The following NRXN1 variants were observed in gnomAD, a reference collection of about 807,000 sequenced individuals.
The protein encoded by NRXN1 is neurexin 1, also known as neurexin-1.
In NRXN1, 39 loss-of-function variants were observed where a neutral mutation model predicts 150.9. That is an observed-to-expected ratio of 0.26 (90% CI 0.20 to 0.34). NRXN1 has a LOEUF of 0.34. Among genes scored for constraint, NRXN1 ranks in the 10% least tolerant of loss-of-function variants. The pLI is 1.00. For synonymous variants in NRXN1, 924 were observed against 757.0 expected (o/e 1.22, Z -3.62); for missense variants, 1,815 against 1,949.9 (o/e 0.93, Z 1.30).
At chr2:50,793,626 G>T (rs549133112) in intron 5 of NRXN1, among the ~76,000 whole-genome samples, 21 of 152,174 alleles carry the variant, frequency 1.4e-4, no homozygotes, top group African/African-American at 9.6e-5. Context: ...ACAGAAAGAG[G>T]CAGCTGAAGA....
intron 18 of NRXN1, among the ~76,000 whole-genome samples, chr2:50,124,453 A>G (rs1704290192): frequency 6.6e-6 from 1 of 152,178 alleles, no homozygotes; most frequent in Non-Finnish European, 1.5e-5. Context: ...TTCTCAAGAA[A>G]GCCTACTTTT....
chr2:50,056,608 C>A (rs1355043642), intron 19 of NRXN1, among the ~76,000 whole-genome samples: 1 of 151,896 alleles, frequency 6.6e-6, no homozygotes, highest in Non-Finnish European at 1.5e-5. Context: ...AAAATTCCAA[C>A]CCTGTCTTCA....
At chr2:50,782,158 C>A (rs1704434259) in intron 5 of NRXN1, among the ~76,000 whole-genome samples, 1 of 152,014 alleles carries the variant, frequency 6.6e-6, no homozygotes. Flanking sequence ...AGGTTTCACT[C>A]AAATTATAGG....
At chr2:50,739,639 T>C (rs983256746) in intron 5 of NRXN1, among the ~76,000 whole-genome samples, 1 of 152,194 alleles carries the variant, frequency 6.6e-6, no homozygotes, top group African/African-American at 2.4e-5. Context: ...TATTCCATAA[T>C]GGCACAGTTT....
chr2:50,544,948 GT>G (rs1320084143), intron 9 of NRXN1, among the ~76,000 whole-genome samples: 4 of 152,096 alleles, frequency 2.6e-5, no homozygotes, highest in African/African-American at 9.7e-5. Flanking sequence ...CTATCTTTAA[GT>G]TTTTTTGTTA....
Position 50,951,963 on chromosome 2 carries a change from A to AT in NRXN1, c.773-26009dup, listed in dbSNP as rs1295565122. 3.5e-3 allele frequency among the ~76,000 whole-genome samples: 262 copies of AT among 74,796 alleles called. 5 individuals carry two copies. Among genetic ancestry groups the AT allele is most frequent in the African/African-American group, 8.0e-3 (144 of 17,930 alleles). 49.1% of individuals were successfully genotyped at this position (74,796 alleles called of 152,430 possible). ...AATAAATATATATATATATATATAT[A>AT]TTTTTTTTTTTTTTTTTTTTTGAGA... On this transcript the variant is annotated intron_variant, in intron 2 of 22. Transcript: ENST00000401669.
chr2:50,826,320 C>T (rs888799303), intron 5 of NRXN1, among the ~76,000 whole-genome samples: 2 of 152,040 alleles, frequency 1.3e-5, no homozygotes, highest in African/African-American at 4.8e-5. Context: ...AAAGCCCCAA[C>T]TAGGAACAAC....
chr2:50,362,846 C>T (rs974619330), intron 17 of NRXN1, among the ~76,000 whole-genome samples: 3 of 152,138 alleles, frequency 2.0e-5, no homozygotes, highest in Non-Finnish European at 4.4e-5. Context: ...TCAAACTATA[C>T]AAGGTCACAG....
At chr2:50,941,998 G>A (rs747196548) in intron 2 of NRXN1, among the ~76,000 whole-genome samples, 1 of 152,196 alleles carries the variant, frequency 6.6e-6, no homozygotes, top group Non-Finnish European at 1.5e-5. Flanking sequence ...GCATGGGCTA[G>A]TCACATGGCC....
chr2:50,848,771 G>A (rs1674069262), intron 5 of NRXN1, among the ~76,000 whole-genome samples: 1 of 152,168 alleles, frequency 6.6e-6, no homozygotes, highest in Non-Finnish European at 1.5e-5. Flanking sequence ...AAAAATGCCA[G>A]GGTAGTCTCT....
In NRXN1 at chr2:50,506,487, G is replaced by T; in HGVS notation, c.2497+8C>A. The T allele has an allele frequency of 6.2e-7, 1 of 1,611,450 alleles. No homozygotes were observed. The highest frequency in any genetic ancestry group is 2.2e-5 in the East Asian group (1 of 44,804). On this transcript the variant is annotated splice_region_variant and intron_variant, in intron 13 of 22. Transcript: ENST00000401669. ...CATAGGAAAAGACAATGGGACAGAG[G>T]TGTTTACCTGTCATGGCCTGTTGGT...
intron 17 of NRXN1, among the ~76,000 whole-genome samples, chr2:50,462,074 G>C (rs552578992): frequency 6.6e-6 from 1 of 152,054 alleles, no homozygotes; most frequent in South Asian, 2.1e-4. Flanking sequence ...TTGGAGAGTA[G>C]TATTGGACAC....
chr2:50,639,226 T>TTTC (rs1683703986), intron 5 of NRXN1, among the ~76,000 whole-genome samples: 3 of 52,610 alleles, frequency 5.7e-5, no homozygotes, highest in African/African-American at 1.0e-4. Flanking sequence ...TTCTTTCTTT[T>TTTC]TTTTTTTTTT....
At chr2:50,020,955 A>G (rs1687475879) in intron 21 of NRXN1, among the ~76,000 whole-genome samples, 1 of 152,158 alleles carries the variant, frequency 6.6e-6, no homozygotes, top group African/African-American at 2.4e-5. Context: ...TCAGAAAAGA[A>G]TTTTTCTCAT....
chr2:50,634,219 A>G (rs1262127254), intron 5 of NRXN1, among the ~76,000 whole-genome samples: 1 of 152,224 alleles, frequency 6.6e-6, no homozygotes, highest in East Asian at 1.9e-4. Context: ...TCAAAAATAT[A>G]ACTCTGTCTA....
intron 21 of NRXN1, among the ~76,000 whole-genome samples, chr2:50,014,168 A>C (rs1389607943): frequency 6.6e-6 from 1 of 151,888 alleles, no homozygotes; most frequent in Non-Finnish European, 1.5e-5. Context: ...CAGAGCGAAT[A>C]GTGTTGAAGT....
chr2:49,933,063 T>C (rs1161488451), intron 22 of NRXN1, among the ~76,000 whole-genome samples: 3 of 152,066 alleles, frequency 2.0e-5, no homozygotes, highest in Non-Finnish European at 4.4e-5. Flanking sequence ...TTTAGGTGTA[T>C]TTTCTTTTTT....
intron 18 of NRXN1, among the ~76,000 whole-genome samples, chr2:50,184,296 C>T (rs959776535): frequency 6.6e-6 from 1 of 151,824 alleles, no homozygotes; most frequent in African/African-American, 2.4e-5. Flanking sequence ...GCTACATAAC[C>T]AAAACAGACA....
At chr2:50,307,573 A>C (rs1018126581) in intron 17 of NRXN1, among the ~76,000 whole-genome samples, 1 of 152,160 alleles carries the variant, frequency 6.6e-6, no homozygotes, top group African/African-American at 2.4e-5. Flanking sequence ...AAAATCTGAG[A>C]TGTTTCTCAA....
Sources: allele counts gnomAD v4.1 joint callset (sites outside exome capture counted in the v4.1 genomes callset), GRCh38; gene constraint gnomAD v4.1.1; transcripts MANE v1.5; gene names NCBI Gene and HGNC (gene_info 2026-07-23, HGNC 2026-07-21).